The following STK32C variants were observed in gnomAD, a reference collection of about 807,000 sequenced individuals.
STK32C encodes serine/threonine kinase 32C.
A neutral mutation model predicts 56.5 loss-of-function variants in STK32C; 31 were observed. The ratio of observed to expected loss-of-function variants is 0.55; its 90% CI spans 0.41 to 0.74. The LOEUF (loss-of-function observed/expected upper bound fraction) is 0.74, where lower values mean the gene tolerates loss of function less well. Ranked by LOEUF, STK32C falls within the 30% of genes least tolerant of loss-of-function variation. STK32C has a pLI of 0.00. For missense variants in STK32C, 544 were observed against 676.9 expected (o/e 0.80, Z 2.18); for synonymous variants, 309 against 289.4 (o/e 1.07, Z -0.69).
intron 1 of STK32C, among the ~76,000 whole-genome samples, chr10:132,273,953 C>T (rs1320332785): frequency 6.6e-6 from 1 of 152,236 alleles, no homozygotes; most frequent in Non-Finnish European, 1.5e-5. Flanking sequence ...CTGCCAACTG[C>T]GCTTCTGACT....
At chr10:132,292,800 A>C (rs1229273574) in intron 1 of STK32C, among the ~76,000 whole-genome samples, 1 of 152,052 alleles carries the variant, frequency 6.6e-6, no homozygotes, top group African/African-American at 2.4e-5. Context: ...GCTCTTCTAT[A>C]AGAAAGGTGT....
intron 1 of STK32C, among the ~76,000 whole-genome samples, chr10:132,289,861 G>A (rs1167822439): frequency 2.0e-5 from 3 of 152,042 alleles, no homozygotes; most frequent in Non-Finnish European, 4.4e-5. Context: ...TATGTGGGTG[G>A]GGACACAAAC....
rs754955934 is a variant in STK32C, at chr10:132,208,101, G to A, written c.1370C>T (p.Ser457Phe). 2.3e-6 allele frequency: 3 copies of A among 1,311,394 alleles called. No individual in the cohort carries two copies. The African/African-American group carries it at 4.5e-5, about 20-fold the overall frequency. 81.2% of individuals were successfully genotyped at this position (1,311,394 alleles called of 1,614,324 possible). A position where few individuals can be genotyped will look rare whatever the true frequency, so the allele number is the denominator to read the frequency against. Residue 457 changes from serine to phenylalanine, a missense_variant, in exon 12 of 12, where the codon TCC (serine) becomes TTC (phenylalanine). Ser to Phe is a radical substitution (Grantham distance 155). Transcript: ENST00000298630. ...CTCCACAGGCTCCGCAGCATCCCTG[G>A]ACTCAGGGGCGGGGAGAGGCTCCCT... is the stretch of plus-strand genomic sequence containing the variant. ...LPREPLPAPESRDAAEPVEDE... is the reference protein window; with the variant it reads ...LPREPLPAPEFRDAAEPVEDE...
intron 1 of STK32C, among the ~76,000 whole-genome samples, chr10:132,289,898 G>C (rs1249424223): frequency 3.9e-5 from 6 of 152,206 alleles, no homozygotes; most frequent in Admixed American, 1.3e-4. Flanking sequence ...TGTTCAATAA[G>C]CACATGAAAG....
intron 1 of STK32C, chr10:132,324,387 C>A (rs2066460297): frequency 1.3e-6 from 1 of 773,170 alleles, no homozygotes; most frequent in African/African-American, 1.7e-5. Context: ...TATGAGGAAA[C>A]AGAGGTCATC....
chr10:132,292,903 C>T (rs1281674896), intron 1 of STK32C, among the ~76,000 whole-genome samples: 1 of 150,868 alleles, frequency 6.6e-6, no homozygotes, highest in Non-Finnish European at 1.5e-5. Flanking sequence ...TGGTCCCTCC[C>T]CCCTCCCTTC....
chr10:132,217,669 C>T (rs780234757), intron 10 of STK32C, among the ~76,000 whole-genome samples: 14 of 151,982 alleles, frequency 9.2e-5, no homozygotes, highest in East Asian at 1.9e-4. Context: ...ATTATGGGGG[C>T]GGGTCTTTCC....
At chr10:132,229,350 C>G (rs569857937) in intron 2 of STK32C, among the ~76,000 whole-genome samples, 5 of 152,198 alleles carry the variant, frequency 3.3e-5, no homozygotes, top group Admixed American at 6.5e-5. Flanking sequence ...GCTGCATGCC[C>G]GGAAAGCGTG....
intron 1 of STK32C, among the ~76,000 whole-genome samples, chr10:132,256,583 G>A (rs2064132395): frequency 6.6e-6 from 1 of 152,176 alleles, no homozygotes; most frequent in Non-Finnish European, 1.5e-5. Context: ...GTCGCCCACG[G>A]CAGCAGGGAC....
intron 2 of STK32C, among the ~76,000 whole-genome samples, chr10:132,228,812 T>G (rs1370002925): frequency 6.6e-6 from 1 of 152,182 alleles, no homozygotes; most frequent in Non-Finnish European, 1.5e-5. Context: ...GACTCCCGTC[T>G]CAACACCGTG....
At chr10:132,293,131 G>C (rs2138315872) in intron 1 of STK32C, among the ~76,000 whole-genome samples, 1 of 152,388 alleles carries the variant, frequency 6.6e-6, no homozygotes, top group Middle Eastern at 3.4e-3. Context: ...TGCGTGCGGG[G>C]AGGGCAGCGC....
chr10:132,223,685 T>G (rs943316843), intron 8 of STK32C, among the ~76,000 whole-genome samples: 1 of 152,140 alleles, frequency 6.6e-6, no homozygotes, highest in Admixed American at 6.5e-5. Flanking sequence ...TTAGGCTGCT[T>G]GGCTACAATT....
chr10:132,222,786 G>C lies in STK32C; in HGVS notation c.1120-14C>G, dbSNP rs1441195381. ...CAGACGGCCTTTCTACAGAGGGATG[G>C]GTGCTGAGCCCCGGCCCGTGGAGGA... On this transcript the variant is annotated splice_polypyrimidine_tract_variant and intron_variant, in intron 9 of 11. Transcript: ENST00000298630. The C allele has an allele frequency of 6.3e-7, 1 of 1,596,048 alleles. No individual in the cohort carries two copies. Among genetic ancestry groups the C allele is most frequent in the African/African-American group, 1.3e-5 (1 of 74,588 alleles).
intron 10 of STK32C, among the ~76,000 whole-genome samples, chr10:132,218,820 A>C (rs1037836425): frequency 2.6e-5 from 4 of 152,236 alleles, no homozygotes; most frequent in African/African-American, 9.6e-5. Context: ...TCATCAACTG[A>C]TGACTGGATA....
intron 1 of STK32C, among the ~76,000 whole-genome samples, chr10:132,318,312 A>G (rs2066345020): frequency 6.6e-6 from 1 of 151,092 alleles, no homozygotes; most frequent in Non-Finnish European, 1.5e-5. Flanking sequence ...ATCTAATAAA[A>G]ACGTAGGTAA....
chr10:132,281,401 C>G (rs1173501828), intron 1 of STK32C, among the ~76,000 whole-genome samples: 1 of 152,148 alleles, frequency 6.6e-6, no homozygotes, highest in East Asian at 1.9e-4. Context: ...TTAAATACAA[C>G]ATAAAACAGA....
In STK32C at chr10:132,209,116, G is replaced by A; in HGVS notation, c.1252-15C>T. ...TAGTCATTCTCCTGTGGATGGAAAG[G>A]CACACGTGAGCGTGGGGGACGCTGT... On this transcript the variant is annotated splice_polypyrimidine_tract_variant and intron_variant, in intron 10 of 11. Coordinates refer to ENST00000298630, the MANE Select transcript of STK32C (RefSeq NM_173575.4). 1 of 1,612,300 alleles carries A rather than the reference G, an allele frequency of 6.2e-7. No homozygotes were observed. The highest frequency in any genetic ancestry group is 8.5e-7 in the Non-Finnish European group (1 of 1,178,758).
At chr10:132,257,074 G>C (rs751493687) in intron 1 of STK32C, among the ~76,000 whole-genome samples, 1 of 152,172 alleles carries the variant, frequency 6.6e-6, no homozygotes, top group Non-Finnish European at 1.5e-5. Context: ...TGTGTCCTGG[G>C]GTGTGGCTGC....
chr10:132,207,944 T>C lies in STK32C; in HGVS notation c.*66A>G. 3.2e-6 allele frequency: 4 copies of C among 1,260,586 alleles called. No homozygotes were observed. Among genetic ancestry groups the C allele is most frequent in the Admixed American group, 4.0e-5 (1 of 25,196 alleles). 78.1% of individuals were successfully genotyped at this position (1,260,586 alleles called of 1,614,324 possible). A position where few individuals can be genotyped will look rare whatever the true frequency, so the allele number is the denominator to read the frequency against. The stretch of plus-strand genomic sequence containing the variant: ...AACGTGAATGCCAGGCCTCGGCCCA[T>C]GGCCCTCCCTCTGGCAGCCGAGTCT... On this transcript the variant is annotated 3_prime_UTR_variant, in exon 12 of 12. Coordinates refer to ENST00000298630, the MANE Select transcript of STK32C (RefSeq NM_173575.4).
Sources: gnomAD v4.1 joint callset for allele counts (sites outside exome capture counted in the v4.1 genomes callset) on GRCh38, gnomAD v4.1.1 for gene constraint, MANE v1.5 for transcripts, NCBI Gene and HGNC (gene_info 2026-07-23, HGNC 2026-07-21) for gene names.